Variants in C19orf38 observed in about 807,000 individuals in gnomAD.
C19orf38 encodes the protein chromosome 19 open reading frame 38.
C19orf38 carries 14 observed loss-of-function variants against 26.6 expected under a neutral mutation model. The ratio of observed to expected loss-of-function variants is 0.53; its 90% CI spans 0.35 to 0.82. The LOEUF (loss-of-function observed/expected upper bound fraction) is 0.82, where lower values mean the gene tolerates loss of function less well. Among genes scored for constraint, C19orf38 ranks in the 40% least tolerant of loss-of-function variants. The pLI, the probability that C19orf38 is intolerant of heterozygous loss-of-function variation, is 0.01. For missense variants in C19orf38, 261 were observed against 299.5 expected, an observed-to-expected ratio of 0.87 and a Z score of 0.95; for synonymous variants, 132 against 128.5, an observed-to-expected ratio of 1.03 and a Z score of -0.18.
In C19orf38 at chr19:10,848,441, G is replaced by C; in HGVS notation, c.-68G>C. On this transcript the variant is annotated 5_prime_UTR_variant, in exon 1 of 7. Coordinates refer to ENST00000397820, the MANE Select transcript of C19orf38 (RefSeq NM_001136482.3). The stretch of plus-strand genomic sequence containing the variant: ...TCCTTTCCCCGATCTGGCCTCACAG[G>C]AGGAGTTGGCGGGGAGCCTTGGGCC... 1 of 1,510,990 alleles carries C rather than the reference G, an allele frequency of 6.6e-7. No individual in the cohort carries two copies. The highest frequency in any genetic ancestry group is 9.0e-7 in the Non-Finnish European group (1 of 1,110,524). 93.6% of individuals were successfully genotyped at this position (1,510,990 alleles called of 1,614,324 possible).
chr19:10,857,366 ATTTT>A (rs773726753), intron 3 of C19orf38, among the ~76,000 whole-genome samples: 13 of 56,060 alleles, frequency 2.3e-4, no homozygotes, highest in East Asian at 7.9e-4. Context: ...ATATATATAT[ATTTT>A]TTTTTTTTTT....
chr19:10,869,512 C>T lies in C19orf38; in HGVS notation c.*145C>T. On this transcript the variant is annotated 3_prime_UTR_variant, in exon 7 of 7. Coordinates refer to ENST00000397820, the MANE Select transcript of C19orf38 (RefSeq NM_001136482.3). ...GGAACCCTGGCCTTGGGATTTTCAT[C>T]ACAGAGGAGTGGGAGAGGGGACACA... is the stretch of plus-strand genomic sequence containing the variant. 8.4e-7 allele frequency: 1 copy of T among 1,193,992 alleles called. No homozygotes were observed. The highest frequency in any genetic ancestry group is 1.1e-6 in the Non-Finnish European group (1 of 881,732). 74.0% of individuals were successfully genotyped at this position (1,193,992 alleles called of 1,614,324 possible).
At position 10,869,338 on chromosome 19, in the gene C19orf38, G is replaced by A. The variant is rs1048670411; in HGVS notation, c.664G>A (p.Glu222Lys). The change falls in exon 7 of 7, where the codon GAA becomes AAA. Residue 222 changes from glutamate to lysine, a missense_variant. Transcript: ENST00000397820. ...CACGTCCTCCTCGCCTGAGACCCCCGAATTCAGCACTTTCCGGGCCTGCCA... is the reference window on the plus strand; with the variant it reads ...CACGTCCTCCTCGCCTGAGACCCCCAAATTCAGCACTTTCCGGGCCTGCCA... ...TSTSSSPETP[E>K]FSTFRACQ 2.3e-5 allele frequency: 36 copies of A among 1,551,076 alleles called. No individual in the cohort carries two copies. In the Admixed American group the frequency reaches 4.7e-4, roughly 20 times the overall value.
At chr19:10,846,890 G>A (rs186179672), upstream of C19orf38, among the ~76,000 whole-genome samples, 1 of 152,324 alleles carries the variant, frequency 6.6e-6, no homozygotes, top group African/African-American at 2.4e-5. Context: ...TCCCAGAAGT[G>A]CTATTTAAAC....
chr19:10,859,278 G>A (rs201001755), intron 4 of C19orf38, among the ~76,000 whole-genome samples: 3 of 80,136 alleles, frequency 3.7e-5, no homozygotes, highest in African/African-American at 9.3e-5. Context: ...GTGTGTGTGT[G>A]TATGTGTGTG....
rs368891526 is a variant in C19orf38 at position 10,861,959 on chromosome 19, C to T, written c.506-1211C>T. Among the ~76,000 whole-genome samples, 214 of 151,978 alleles carry T rather than the reference C, an allele frequency of 1.4e-3. 4 individuals carry two copies. The South Asian group carries it at 0.04, about 28-fold the overall frequency. ...TGTCGCCCAGGCTGGAGTGCGGTGA[C>T]GCGATCTGGGCTCACTGCAAGCTCT... On this transcript the variant is annotated intron_variant, in intron 5 of 6. Transcript: ENST00000397820.
intron 2 of C19orf38, among the ~76,000 whole-genome samples, chr19:10,853,871 C>T (rs1469648988): frequency 1.3e-5 from 2 of 150,608 alleles, no homozygotes; most frequent in Admixed American, 6.6e-5. Context: ...GCTGAGATTA[C>T]AGGCGTGAGC....
At position 10,869,228 on chromosome 19, in the gene C19orf38, C is replaced by G. The variant is rs536873152; in HGVS notation, c.554C>G (p.Pro185Arg). 1 of 1,551,648 alleles carries G rather than the reference C, an allele frequency of 6.4e-7. No homozygotes were observed. Among genetic ancestry groups the G allele is most frequent in the African/African-American group, 1.4e-5 (1 of 73,148 alleles). Residue 185 changes from proline (P) to arginine (R), a missense_variant, in exon 7 of 7, where the codon CCA becomes CGA. Coordinates refer to ENST00000397820, the MANE Select transcript of C19orf38 (RefSeq NM_001136482.3). Reference protein sequence around the residue: ...SLFTVSAKTMPEEDPATLDDH... With the variant: ...SLFTVSAKTMREEDPATLDDH... ...CTTACATGGACAAAGAAAACGATGC[C>G]AGAAGAAGACCCGGCCACCTTGGAT...
At chr19:10,851,459 G>A (rs2073571923) in intron 2 of C19orf38, among the ~76,000 whole-genome samples, 1 of 151,510 alleles carries the variant, frequency 6.6e-6, no homozygotes, top group African/African-American at 2.4e-5. Flanking sequence ...TCCCACCTCA[G>A]CCTCCTAAGT....
At chr19:10,845,959 G>T (rs1340732847), upstream of C19orf38, among the ~76,000 whole-genome samples, 1 of 150,696 alleles carries the variant, frequency 6.6e-6, no homozygotes, top group Non-Finnish European at 1.5e-5. Context: ...CAGGAGGATT[G>T]CTTGAGCCCA....
rs1314982530 is a variant in C19orf38, at chr19:10,869,434, T to TG, written c.*74dup. 40 of 1,470,440 alleles carry TG rather than the reference T, an allele frequency of 2.7e-5. No individual in the cohort carries two copies. The African/African-American group carries it at 4.1e-4, about 15-fold the overall frequency. The allele number at this position is 1,470,440 out of a possible 1,614,324, so 91.1% of individuals were successfully genotyped here. A position where few individuals can be genotyped will look rare whatever the true frequency, so the allele number is the denominator to read the frequency against. ...GGCCTGAGGTCCCTCCAGCTACTTC[T>TG]GGGGGGGCTCTGTCAGCCACTTTCT... On this transcript the variant is annotated 3_prime_UTR_variant, in exon 7 of 7. Coordinates refer to ENST00000397820, the MANE Select transcript of C19orf38 (RefSeq NM_001136482.3).
At chr19:10,859,290 G>A (rs200133052) in intron 4 of C19orf38, among the ~76,000 whole-genome samples, 82 of 131,522 alleles carry the variant, frequency 6.2e-4, no homozygotes, top group Admixed American at 1.9e-3. Context: ...ATGTGTGTGT[G>A]TATATGTGTG....
intron 1 of C19orf38, among the ~76,000 whole-genome samples, chr19:10,842,891 C>T (rs1221817345): frequency 6.6e-6 from 1 of 152,238 alleles, no homozygotes; most frequent in African/African-American, 2.4e-5. Flanking sequence ...CCACTCAGCC[C>T]ACCTGTGTTA....
At chr19:10,845,545 G>A (rs2073510046), upstream of C19orf38, among the ~76,000 whole-genome samples, 1 of 152,148 alleles carries the variant, frequency 6.6e-6, no homozygotes, top group South Asian at 2.1e-4. Flanking sequence ...AGTTAAAACA[G>A]TTCTTGGAGG....
intron 2 of C19orf38, among the ~76,000 whole-genome samples, chr19:10,854,153 C>A (rs1359663690): frequency 6.6e-6 from 1 of 151,644 alleles, no homozygotes; most frequent in East Asian, 1.9e-4. Flanking sequence ...ACCTTTGCCT[C>A]CCAGGCTCAA....
At chr19:10,861,485 G>C (rs1052390650) in intron 5 of C19orf38, among the ~76,000 whole-genome samples, 2 of 152,328 alleles carry the variant, frequency 1.3e-5, no homozygotes, top group African/African-American at 2.4e-5. Flanking sequence ...CAGATGTGCT[G>C]TCTGTCCACA....
chr19:10,855,376 C>T (rs1031430708), intron 2 of C19orf38, among the ~76,000 whole-genome samples: 4 of 152,020 alleles, frequency 2.6e-5, no homozygotes, highest in East Asian at 1.9e-4. Context: ...CTCTCTGTGT[C>T]ACCCAGGCTG....
chr19:10,868,751 C>G (rs2073775839), intron 6 of C19orf38, among the ~76,000 whole-genome samples: 1 of 152,184 alleles, frequency 6.6e-6, no homozygotes, highest in South Asian at 2.1e-4. Context: ...GGTGATCCAC[C>G]CACCTCGGTC....
chr19:10,859,828 G>T, intron 4 of C19orf38, 87 bp from the exon 5 acceptor site: 1 of 1,263,902 alleles, frequency 7.9e-7, no homozygotes, highest in Non-Finnish European at 1.1e-6. Flanking sequence ...TTTTGGGTGT[G>T]GTTTGGGGCC....
Sources: gnomAD v4.1 joint callset for allele counts (sites outside exome capture counted in the v4.1 genomes callset) on GRCh38, gnomAD v4.1.1 for gene constraint, MANE v1.5 for transcripts, NCBI Gene and HGNC (gene_info 2026-07-23, HGNC 2026-07-21) for gene names.